Variants in BFSP2 observed in about 807,000 individuals in gnomAD.
BFSP2 encodes phakinin.
A neutral mutation model predicts 44.9 loss-of-function variants in BFSP2; 38 were observed. That is an observed-to-expected ratio of 0.85 (90% confidence interval 0.65 to 1.11). The LOEUF is 1.11. Among genes scored for constraint, BFSP2 ranks in the 50% least tolerant of loss-of-function variants. The pLI, the probability that BFSP2 is intolerant of heterozygous loss-of-function variation, is 0.00. For missense variants in BFSP2, 525 were observed against 533.0 expected, an observed-to-expected ratio of 0.99 and a Z score of 0.15; for synonymous variants, 197 against 209.9, an observed-to-expected ratio of 0.94 and a Z score of 0.53.
At position 133,400,650 on chromosome 3, in the gene BFSP2, A is replaced by G. The variant is rs536551983; in HGVS notation, c.489+78A>G. ...GAAGGCAGCGGGTAGGGTTGTGAGT[A>G]GGCTGAGGCCAGAGAAACTGACCAT... On this transcript the variant is annotated intron_variant, in intron 1 of 6. Transcript: ENST00000302334. This position sits in a 1 kb window ranked among gnomAD's most constrained non-coding sequence, Gnocchi z 4.0. The G allele has an allele frequency of 1.9e-5, 29 of 1,543,126 alleles. No individual in the cohort carries two copies. Among genetic ancestry groups the G allele is most frequent in the Non-Finnish European group, 2.4e-5 (27 of 1,142,976 alleles).
chr3:133,409,273 AAG>A (rs1253322207), intron 1 of BFSP2, among the ~76,000 whole-genome samples: 1 of 145,784 alleles, frequency 6.9e-6, no homozygotes, highest in African/African-American at 2.7e-5. Context: ...GGGACAGAGT[AAG>A]AGAGTAACTA....
Position 133,450,465 on chromosome 3 carries a change from G to A in BFSP2, c.891+1G>A. The A allele has an allele frequency of 6.2e-7, 1 of 1,614,002 alleles. No individual in the cohort carries two copies. The highest frequency in any genetic ancestry group is 1.3e-5 in the African/African-American group (1 of 75,060). On this transcript the variant is annotated splice_donor_variant, in intron 4 of 6. Coordinates refer to ENST00000302334, the MANE Select transcript of BFSP2 (RefSeq NM_003571.4). LOFTEE classifies it high-confidence loss of function. ...GGCAGGAGCCCTGCTCCAAGCTAAG[G>A]TGAGAGGCAGGACCAGCATCCTCCA...
chr3:133,431,486 C>A (rs2073717632), intron 1 of BFSP2, among the ~76,000 whole-genome samples: 1 of 152,152 alleles, frequency 6.6e-6, no homozygotes, highest in Non-Finnish European at 1.5e-5. Flanking sequence ...CTGTGCGGGA[C>A]CCCACTGGAA....
chr3:133,467,059 C>T, intron 5 of BFSP2, 100 bp downstream of exon 5: 5 of 1,509,558 alleles, frequency 3.3e-6, no homozygotes, highest in Non-Finnish European at 3.6e-6. Flanking sequence ...GGATTCCCAT[C>T]TCACAGCATA....
At chr3:133,405,446 G>C (rs2073396467) in intron 1 of BFSP2, among the ~76,000 whole-genome samples, 1 of 152,068 alleles carries the variant, frequency 6.6e-6, no homozygotes. Flanking sequence ...CCTACTTGAA[G>C]AACATGCTGG....
intron 1 of BFSP2, chr3:133,410,390 C>A (rs996477397): frequency 1.0e-4 from 30 of 300,640 alleles, no homozygotes; most frequent in Non-Finnish European, 1.0e-4. Context: ...AGCAGAAGAC[C>A]AGAGAAAAAT....
At chr3:133,431,038 GCT>G (rs1298208661) in intron 1 of BFSP2, among the ~76,000 whole-genome samples, 1 of 149,990 alleles carries the variant, frequency 6.7e-6, no homozygotes, top group Non-Finnish European at 1.5e-5. Context: ...TAGCGTTTAG[GCT>G]CTTTTTCATC....
intron 1 of BFSP2, among the ~76,000 whole-genome samples, chr3:133,424,146 G>A (rs1178327978): frequency 1.3e-5 from 2 of 150,718 alleles, no homozygotes; most frequent in African/African-American, 4.9e-5. Context: ...CCGCCGCCCG[G>A]GTTCAAGCGA....
intron 3 of BFSP2, among the ~76,000 whole-genome samples, chr3:133,449,737 G>T (rs1056616307): frequency 3.3e-5 from 5 of 151,868 alleles, no homozygotes; most frequent in Admixed American, 2.0e-4. Flanking sequence ...AATTAGCTGG[G>T]CATGGTGGTG....
chr3:133,466,677 C>CAAATAAAAAAAAAAAA (rs2074112788), intron 4 of BFSP2, 151 bp from the exon 5 acceptor site: 1 of 182,404 alleles, frequency 5.5e-6, no homozygotes, highest in South Asian at 4.1e-5. Flanking sequence ...TTCATCTCAA[C>CAAATAAAAAAAAAAAA]AAAAAAAAAA....
chr3:133,455,370 GCA>G (rs2107931099), intron 4 of BFSP2: 1 of 152,162 alleles, frequency 6.6e-6, no homozygotes, highest in East Asian at 1.9e-4. Context: ...CGGGTTCTTG[GCA>G]TCGTTCAATT....
chr3:133,450,089 G>T (rs1222033526), intron 3 of BFSP2, among the ~76,000 whole-genome samples: 1 of 150,968 alleles, frequency 6.6e-6, no homozygotes, highest in African/African-American at 2.4e-5. Context: ...AGGAAGGAAG[G>T]GAGGGAGAGA....
chr3:133,440,396 T>C (rs2073833922), intron 1 of BFSP2, among the ~76,000 whole-genome samples: 2 of 152,284 alleles, frequency 1.3e-5, no homozygotes, highest in Admixed American at 1.3e-4. Context: ...TGGATGTGCC[T>C]GGGGCTCAAA....
At chr3:133,445,892 A>C (rs1046814159) in intron 1 of BFSP2, among the ~76,000 whole-genome samples, 1 of 152,172 alleles carries the variant, frequency 6.6e-6, no homozygotes, top group African/African-American at 2.4e-5. Flanking sequence ...GGAGGGTAGG[A>C]ATTGTTACCT....
intron 1 of BFSP2, among the ~76,000 whole-genome samples, chr3:133,437,853 C>A (rs112300461): frequency 0.014 from 2,180 of 152,276 alleles, 57 homozygotes; most frequent in African/African-American, 0.048. Flanking sequence ...GGAAGCAAAA[C>A]AATGATTTGG....
At chr3:133,440,483 A>C (rs959826743) in intron 1 of BFSP2, among the ~76,000 whole-genome samples, 6 of 152,172 alleles carry the variant, frequency 3.9e-5, no homozygotes, top group African/African-American at 1.4e-4. Context: ...TGACATAAAC[A>C]ACCAGGACTG....
chr3:133,449,036 C>T (rs2073931533), intron 3 of BFSP2: 1 of 221,588 alleles, frequency 4.5e-6, no homozygotes, highest in Non-Finnish European at 9.1e-6. Flanking sequence ...GACATCTACT[C>T]ATTAACAAAA....
chr3:133,431,626 C>T (rs935486647), intron 1 of BFSP2, among the ~76,000 whole-genome samples: 22 of 152,292 alleles, frequency 1.4e-4, no homozygotes, highest in East Asian at 1.2e-3. Context: ...AGAAGCCCCG[C>T]AGACCATCAC....
chr3:133,404,378 TG>T (rs2073386626), intron 1 of BFSP2, among the ~76,000 whole-genome samples: 1 of 152,038 alleles, frequency 6.6e-6, no homozygotes, highest in Non-Finnish European at 1.5e-5. Flanking sequence ...AGCCCCTGGG[TG>T]GCAGCAACTG....
Sources: allele counts gnomAD v4.1 joint callset (sites outside exome capture counted in the v4.1 genomes callset), GRCh38; gene constraint gnomAD v4.1.1; non-coding constraint Gnocchi (gnomAD v3.1); transcripts MANE v1.5; gene names NCBI Gene and HGNC (gene_info 2026-07-23, HGNC 2026-07-21).